The following PPP3CA variants were observed in gnomAD, a reference collection of about 807,000 sequenced individuals.
The protein encoded by PPP3CA is CAM-PRP catalytic subunit.
A neutral mutation model predicts 66.5 loss-of-function variants in PPP3CA; 14 were observed. The ratio of observed to expected loss-of-function variants is 0.21; its 90% confidence interval spans 0.14 to 0.33. PPP3CA has a LOEUF of 0.33. PPP3CA is among the 10% of genes least tolerant of loss of function. The pLI, the probability that PPP3CA is intolerant of heterozygous loss-of-function variation, is 1.00. For synonymous variants in PPP3CA, 232 were observed against 226.2 expected, an observed-to-expected ratio of 1.03 and a Z score of -0.23; for missense variants, 317 against 639.5, an observed-to-expected ratio of 0.50 and a Z score of 5.44.
At chr4:101,083,353 G>T in intron 6 of PPP3CA, 90 bp from the exon 7 acceptor site, 1 of 1,130,082 alleles carries the variant, frequency 8.8e-7, no homozygotes, top group Non-Finnish European at 1.3e-6. Flanking sequence ...TATGTGACTG[G>T]ATCAAAGATA....
intron 8 of PPP3CA, among the ~76,000 whole-genome samples, chr4:101,072,957 T>C (rs1408345046): frequency 1.3e-5 from 2 of 148,670 alleles, no homozygotes; most frequent in African/African-American, 4.9e-5. Flanking sequence ...AAAAAAATTA[T>C]ATATATATAT....
chr4:101,076,796 CAT>C (rs759189152), intron 8 of PPP3CA, among the ~76,000 whole-genome samples: 3 of 152,226 alleles, frequency 2.0e-5, no homozygotes, highest in Admixed American at 6.5e-5. Flanking sequence ...TTTGCACTAA[CAT>C]GTGACAAAAT....
At chr4:101,097,636 T>A (rs1730255262) in intron 5 of PPP3CA, among the ~76,000 whole-genome samples, 2 of 152,124 alleles carry the variant, frequency 1.3e-5, no homozygotes, top group African/African-American at 4.8e-5. Context: ...TCTCTATCTT[T>A]TACATCATTG....
chr4:101,091,859 A>T (rs1578437932), intron 6 of PPP3CA, among the ~76,000 whole-genome samples: 1 of 135,434 alleles, frequency 7.4e-6, no homozygotes, highest in Non-Finnish European at 1.6e-5. Flanking sequence ...TAATAATAAT[A>T]ATAATGAAGA....
intron 1 of PPP3CA, among the ~76,000 whole-genome samples, chr4:101,299,621 A>G (rs925676541): frequency 1.3e-5 from 2 of 152,214 alleles, no homozygotes; most frequent in African/African-American, 2.4e-5. Context: ...TTTATTTATA[A>G]GAAATAAATA....
At chr4:101,197,695 G>A (rs775077887) in intron 1 of PPP3CA, among the ~76,000 whole-genome samples, 1 of 152,092 alleles carries the variant, frequency 6.6e-6, no homozygotes, top group Non-Finnish European at 1.5e-5. Context: ...CAGAAACAAC[G>A]ATAAAACTGT....
At chr4:101,124,795 GAAAGA>G (rs1560614740) in intron 2 of PPP3CA, among the ~76,000 whole-genome samples, 6 of 113,622 alleles carry the variant, frequency 5.3e-5, no homozygotes, top group African/African-American at 2.6e-4. Flanking sequence ...AAGAAAGAAA[GAAAGA>G]GAAAACTGTA....
chr4:101,291,727 T>G (rs1728033076), intron 1 of PPP3CA, among the ~76,000 whole-genome samples: 1 of 152,188 alleles, frequency 6.6e-6, no homozygotes, highest in South Asian at 2.1e-4. Flanking sequence ...GACAGAGTGA[T>G]ATGCAGGAGA....
chr4:101,099,206 T>G, intron 4 of PPP3CA, among the ~76,000 whole-genome samples: 1 of 152,154 alleles, frequency 6.6e-6, no homozygotes, highest in East Asian at 1.9e-4. Context: ...GACATCATCT[T>G]CAGTTTTATA....
At chr4:101,055,784 T>C (rs1370227067) in intron 10 of PPP3CA, among the ~76,000 whole-genome samples, 1 of 152,100 alleles carries the variant, frequency 6.6e-6, no homozygotes, top group African/African-American at 2.4e-5. Flanking sequence ...TTCATATGCA[T>C]TGACTTTCAT....
chr4:101,302,060 C>T (rs1213125322), intron 1 of PPP3CA, among the ~76,000 whole-genome samples: 1 of 151,988 alleles, frequency 6.6e-6, no homozygotes, highest in Non-Finnish European at 1.5e-5. Flanking sequence ...ACTAGTTTTA[C>T]TGATAGAGAT....
chr4:101,268,256 A>C (rs1727229345), intron 1 of PPP3CA, among the ~76,000 whole-genome samples: 1 of 152,192 alleles, frequency 6.6e-6, no homozygotes, highest in Admixed American at 6.6e-5. Flanking sequence ...ATTTTCAACT[A>C]AAGCAAATGG....
intron 1 of PPP3CA, among the ~76,000 whole-genome samples, chr4:101,316,723 T>C (rs963858316): frequency 6.6e-6 from 1 of 151,446 alleles, no homozygotes; most frequent in Non-Finnish European, 1.5e-5. Context: ...GGTCCAACTA[T>C]TTATAGAGAT....
intron 1 of PPP3CA, among the ~76,000 whole-genome samples, chr4:101,312,095 A>C (rs984812976): frequency 3.3e-5 from 5 of 152,208 alleles, no homozygotes; most frequent in Non-Finnish European, 5.9e-5. Context: ...TCATTTAATT[A>C]TAAGCAGTTG....
At chr4:101,028,221 G>A (rs886716704) in intron 13 of PPP3CA, among the ~76,000 whole-genome samples, 1 of 152,104 alleles carries the variant, frequency 6.6e-6, no homozygotes, top group Non-Finnish European at 1.5e-5. Flanking sequence ...AAATACAACT[G>A]AAGAATTTTG....
intron 2 of PPP3CA, among the ~76,000 whole-genome samples, chr4:101,169,520 C>T (rs1723802771): frequency 6.6e-6 from 1 of 152,104 alleles, no homozygotes; most frequent in South Asian, 2.1e-4. Context: ...TATCCTAAAG[C>T]TGAAAAGCAA....
At chr4:101,069,912 CTG>C (rs1728841644) in intron 8 of PPP3CA, among the ~76,000 whole-genome samples, 1 of 151,924 alleles carries the variant, frequency 6.6e-6, no homozygotes, top group South Asian at 2.1e-4. Context: ...TGTTAATTGA[CTG>C]TTTATGTTAT....
Position 101,190,998 on chromosome 4 carries a change from A to G in PPP3CA, c.259+4918T>C, listed in dbSNP as rs183017008. ...CAATGCAGAAGTAGAATAGTGTAGT[A>G]TAATAGCTAAGCATAGGATATGTAG... On this transcript the variant is annotated intron_variant, in intron 2 of 13. Coordinates refer to ENST00000394854, the MANE Select transcript of PPP3CA (RefSeq NM_000944.5). Among the ~76,000 whole-genome samples, 162 of 152,372 alleles carry G rather than the reference A, an allele frequency of 1.1e-3. 1 individual carries two copies. The highest frequency in any genetic ancestry group is 3.6e-3 in the African/African-American group (151 of 41,590).
At chr4:101,250,128 T>C (rs1046012326) in intron 1 of PPP3CA, among the ~76,000 whole-genome samples, 1 of 152,144 alleles carries the variant, frequency 6.6e-6, no homozygotes, top group South Asian at 2.1e-4. Flanking sequence ...TTTTTGGAAT[T>C]TGAGAGCCAA....
Sources: allele counts gnomAD v4.1 joint callset (sites outside exome capture counted in the v4.1 genomes callset), GRCh38; gene constraint gnomAD v4.1.1; transcripts MANE v1.5; gene names NCBI Gene and HGNC (gene_info 2026-07-23, HGNC 2026-07-21).